Variants in LRRK2 observed in about 807,000 individuals in gnomAD.
LRRK2 encodes leucine-rich repeat serine/threonine-protein kinase 2.
A neutral mutation model predicts 302.6 loss-of-function variants in LRRK2; 203 were observed. That is an observed-to-expected ratio of 0.67 (90% CI 0.60 to 0.75). LRRK2 has a LOEUF of 0.75. LRRK2 is among the 30% of genes least tolerant of loss of function. LRRK2 has a pLI of 0.00. For missense variants in LRRK2, 2,830 were observed against 2,951.0 expected (o/e 0.96, Z 0.95); for synonymous variants, 1,066 against 1,031.9 (o/e 1.03, Z -0.63).
intron 43 of LRRK2, 65 bp downstream of exon 43, chr12:40,348,574 A>G (rs1592321960): frequency 6.3e-6 from 6 of 949,906 alleles, no homozygotes; most frequent in African/African-American, 3.3e-5. Context: ...TATATATATA[A>G]TCTTCAAATA....
rs768218660 is a variant in LRRK2, at chr12:40,320,003, G to C, written c.4843G>C (p.Val1615Leu). The C allele has an allele frequency of 6.2e-7, 1 of 1,609,580 alleles. No individual in the cohort carries two copies. Among genetic ancestry groups the C allele is most frequent in the Admixed American group, 1.7e-5 (1 of 59,438 alleles). Residue 1615 changes from valine (V) to leucine (L), a missense_variant, in exon 34 of 51, where the codon GTG becomes CTG. Physicochemically the swap from Val to Leu is conservative, Grantham distance 32 (BLOSUM62 1). This residue lies in a region of LRRK2 where 2,121 missense variants were observed against 2,148.0 expected (regional missense o/e 0.99). Coordinates refer to ENST00000298910, the MANE Select transcript of LRRK2 (RefSeq NM_198578.4). Reference sequence around the variant, plus strand: ...AATCTTTCAGATTTTGACAGTGAAAGTGGAAGGTTGTCCAAAACACCCTAA... The same window carrying C: ...AATCTTTCAGATTTTGACAGTGAAACTGGAAGGTTGTCCAAAACACCCTAA... ...KIMAQILTVK[V>L]EGCPKHPKGI...
At chr12:40,287,059 A>G (rs895741837) in intron 19 of LRRK2, among the ~76,000 whole-genome samples, 1 of 152,020 alleles carries the variant, frequency 6.6e-6, no homozygotes, top group Non-Finnish European at 1.5e-5. Flanking sequence ...TATGACTTGA[A>G]CACAGGCCTG....
chr12:40,238,219 G>A, intron 5 of LRRK2, 116 bp downstream of exon 5: 1 of 1,057,330 alleles, frequency 9.5e-7, no homozygotes, highest in Non-Finnish European at 1.4e-6. Context: ...TATTTATTAA[G>A]AAGTGGGAGT....
intron 27 of LRRK2, chr12:40,304,836 C>CA (rs1183814581): frequency 6.6e-6 from 1 of 151,822 alleles, no homozygotes; most frequent in African/African-American, 2.4e-5. Context: ...ATAATTTCCT[C>CA]AAAAAATTAC....
chr12:40,363,914 G>T (rs1404046350), intron 48 of LRRK2, among the ~76,000 whole-genome samples: 1 of 151,836 alleles, frequency 6.6e-6, no homozygotes, highest in Non-Finnish European at 1.5e-5. Context: ...AGGATTATCT[G>T]CTCTAAAGAA....
intron 31 of LRRK2, among the ~76,000 whole-genome samples, chr12:40,310,904 T>C (rs892495026): frequency 3.9e-5 from 6 of 152,034 alleles, no homozygotes; most frequent in Non-Finnish European, 2.9e-5. Context: ...ACTGAGAAAA[T>C]GTTTCTGAGA....
At chr12:40,341,226 A>G (rs1946033140) in intron 41 of LRRK2, among the ~76,000 whole-genome samples, 1 of 152,122 alleles carries the variant, frequency 6.6e-6, no homozygotes, top group Admixed American at 6.5e-5. Flanking sequence ...AACTTTATAT[A>G]GTTAGTTATT....
At chr12:40,243,510 A>G (rs1464699501) in intron 6 of LRRK2, 40 bp from the exon 7 acceptor site, 2 of 1,605,508 alleles carry the variant, frequency 1.2e-6, no homozygotes, top group Non-Finnish European at 1.7e-6. Flanking sequence ...AAAGGAGAAC[A>G]TGGTTACCTT....
chr12:40,327,018 C>T (rs1287448280), intron 38 of LRRK2, among the ~76,000 whole-genome samples: 1 of 152,158 alleles, frequency 6.6e-6, no homozygotes, highest in Non-Finnish European at 1.5e-5. Context: ...TGTGTAATTT[C>T]ACCACTTGAA....
At chr12:40,350,487 G>A (rs1334509212) in intron 43 of LRRK2, among the ~76,000 whole-genome samples, 1 of 152,182 alleles carries the variant, frequency 6.6e-6, no homozygotes, top group South Asian at 2.1e-4. Flanking sequence ...ATTTGCCCAA[G>A]TAACCTTGTC....
At chr12:40,347,832 A>G (rs1565770269) in intron 42 of LRRK2, among the ~76,000 whole-genome samples, 1 of 152,110 alleles carries the variant, frequency 6.6e-6, no homozygotes. Flanking sequence ...GCATGGTGGC[A>G]TGTGCGTGTA....
chr12:40,310,584 A>G lies in LRRK2; in HGVS notation c.4471A>G (p.Thr1491Ala), dbSNP rs202164649. The change falls in exon 31 of 51, where the codon ACC becomes GCC. Residue 1491 changes from threonine to alanine, a missense_variant. Transcript: ENST00000298910. ...ACGAGATTACCACTTTGTGAATGCC[A>G]CCGAGGAATCTGATGCTTTGGCAAA... ...AIRDYHFVNA[T>A]EESDALAKLR... The G allele has an allele frequency of 6.2e-7, 1 of 1,612,754 alleles. No individual in the cohort carries two copies. Among genetic ancestry groups the G allele is most frequent in the African/African-American group, 1.3e-5 (1 of 74,594 alleles).
intron 21 of LRRK2, among the ~76,000 whole-genome samples, 169 bp from the exon 22 acceptor site, chr12:40,294,676 T>G (rs978170590): frequency 3.9e-5 from 6 of 152,000 alleles, no homozygotes; most frequent in African/African-American, 1.4e-4. Context: ...AGCACTGAAC[T>G]GGAGTTTTCT....
intron 20 of LRRK2, 113 bp downstream of exon 20, chr12:40,287,652 T>C: frequency 9.4e-7 from 1 of 1,067,262 alleles, no homozygotes; most frequent in Admixed American, 2.2e-5. Context: ...TGAGTAGAAA[T>C]GTGTTTATTA....
In LRRK2 at chr12:40,328,401, G is replaced by A; in HGVS notation, c.5698G>A (p.Gly1900Arg). 6.2e-7 allele frequency: 1 copy of A among 1,613,670 alleles called. No individual in the cohort carries two copies. Among genetic ancestry groups the A allele is most frequent in the Non-Finnish European group, 8.5e-7 (1 of 1,179,782 alleles). Residue 1900 changes from glycine (G) to arginine (R), a missense_variant, in exon 39 of 51, where the codon GGA becomes AGA. Physicochemically the swap from Gly to Arg is moderately radical, Grantham distance 125. Around this residue, in one of 3 missense-constraint regions of LRRK2, gnomAD observed 253 missense variants for 346.7 expected, o/e 0.73. Transcript: ENST00000298910. ...FGSVYRAAYE[G>R]EEVAVKIFNK... is the part of the protein sequence containing the mutation. The stretch of plus-strand genomic sequence containing the variant: ...ATCAGTTTACCGAGCAGCCTATGAA[G>A]GAGAAGAAGTGGCTGTGAAGATTTT...
intron 44 of LRRK2, among the ~76,000 whole-genome samples, chr12:40,351,938 G>A (rs1407153867): frequency 2.0e-5 from 3 of 152,182 alleles, no homozygotes; most frequent in African/African-American, 7.2e-5. Flanking sequence ...CAGAGCCTGA[G>A]ATGGGTTATC....
chr12:40,271,722 T>G (rs373658972), intron 14 of LRRK2, among the ~76,000 whole-genome samples: 1 of 152,160 alleles, frequency 6.6e-6, no homozygotes, highest in East Asian at 1.9e-4. Flanking sequence ...ATATTAATTT[T>G]TAAACATTTA....
At chr12:40,279,272 G>A (rs938502356) in intron 18 of LRRK2, among the ~76,000 whole-genome samples, 1 of 149,026 alleles carries the variant, frequency 6.7e-6, no homozygotes, top group Non-Finnish European at 1.5e-5. Flanking sequence ...TATCCCACTT[G>A]CCTATGGATT....
intron 41 of LRRK2, 89 bp from the exon 42 acceptor site, chr12:40,346,664 T>G: frequency 8.3e-7 from 1 of 1,199,258 alleles, no homozygotes; most frequent in Non-Finnish European, 1.2e-6. Context: ...CCTGACTCTC[T>G]TATTTGGCAT....
Sources: gnomAD v4.1 joint callset for allele counts (sites outside exome capture counted in the v4.1 genomes callset) on GRCh38, gnomAD v4.1.1 for gene constraint, gnomAD v4.1.1 regional missense constraint, MANE v1.5 for transcripts, NCBI Gene and HGNC (gene_info 2026-07-23, HGNC 2026-07-21) for gene names.